DTNB: variants seen among roughly 807,000 people sequenced by gnomAD.
DTNB encodes DTN-B.
Under a neutral mutation model 90.7 loss-of-function variants are expected in DTNB, and 63 were observed. The observed-to-expected ratio is 0.69, with a 90% confidence interval of 0.57 to 0.86. The LOEUF is 0.86. Ranked by LOEUF, DTNB falls within the 40% of genes least tolerant of loss-of-function variation. The probability of loss-of-function intolerance (pLI) is 0.00; values close to 1 mark genes in which losing one functional copy is unlikely to be tolerated. For synonymous variants in DTNB, 277 were observed against 286.7 expected, an observed-to-expected ratio of 0.97 and a Z score of 0.34; for missense variants, 744 against 807.1, an observed-to-expected ratio of 0.92 and a Z score of 0.95.
At chr2:25,416,492 C>T (rs2047961766) in intron 16 of DTNB, among the ~76,000 whole-genome samples, 2 of 152,060 alleles carry the variant, frequency 1.3e-5, no homozygotes, top group Admixed American at 1.3e-4. Context: ...GACAACATGG[C>T]AAAACCCCAT....
At chr2:25,405,609 T>C (rs1451794306) in intron 16 of DTNB, among the ~76,000 whole-genome samples, 1 of 148,882 alleles carries the variant, frequency 6.7e-6, no homozygotes, top group Admixed American at 6.7e-5. Context: ...TTTGTTGTTG[T>C]TTTTTTTTTC....
At chr2:25,601,017 AG>A (rs2065769604) in intron 5 of DTNB, among the ~76,000 whole-genome samples, 1 of 152,158 alleles carries the variant, frequency 6.6e-6, no homozygotes, top group Non-Finnish European at 1.5e-5. Flanking sequence ...TTACTTCTTG[AG>A]TTATGGGTTT....
intron 9 of DTNB, among the ~76,000 whole-genome samples, chr2:25,513,931 G>T (rs1170888135): frequency 1.3e-5 from 2 of 150,858 alleles, no homozygotes. Flanking sequence ...CCAGACCCAC[G>T]CCAGATAGGG....
chr2:25,503,902 G>A (rs1208618796), intron 9 of DTNB, among the ~76,000 whole-genome samples: 1 of 151,040 alleles, frequency 6.6e-6, no homozygotes, highest in Admixed American at 6.6e-5. Flanking sequence ...GGGCGACACA[G>A]CAAGACTCTG....
intron 8 of DTNB, among the ~76,000 whole-genome samples, chr2:25,537,924 T>C (rs1441772406): frequency 1.3e-5 from 2 of 152,186 alleles, no homozygotes; most frequent in African/African-American, 2.4e-5. Context: ...TCTCTGTACT[T>C]TCTCCCAACT....
chr2:25,415,350 G>A lies in DTNB; in HGVS notation c.1575+4165C>T, dbSNP rs368439137. On this transcript the variant is annotated intron_variant, in intron 16 of 20. Transcript: ENST00000406818. The stretch of plus-strand genomic sequence containing the variant: ...CAACATCCACCTCCCAGGTTCAAGC[G>A]ATTCTCCTGCCTCAGCCTCCCGAGT... 5.3e-5 allele frequency among the ~76,000 whole-genome samples: 8 copies of A among 150,744 alleles called. No individual in the cohort carries two copies. The East Asian group carries it at 7.8e-4, about 15-fold the overall frequency.
chr2:25,482,752 T>C (rs773235367), intron 10 of DTNB, 44 bp downstream of exon 10: 3 of 1,597,614 alleles, frequency 1.9e-6, no homozygotes, highest in Non-Finnish European at 2.6e-6. Context: ...CGCAAATCAG[T>C]AGCAGAGGCC....
chr2:25,419,541 G>A lies in DTNB; in HGVS notation c.1555-6C>T. On this transcript the variant is annotated splice_region_variant and splice_polypyrimidine_tract_variant and intron_variant, in intron 15 of 20. Transcript: ENST00000406818. ...GCCTGCTTTTGCTCTTCCTCCTGGA[G>A]TGTTGAAGATGAAAAAAAAAGGCAG... is the stretch of plus-strand genomic sequence containing the variant. 6.4e-7 allele frequency: 1 copy of A among 1,555,652 alleles called. No individual in the cohort carries two copies. Among genetic ancestry groups the A allele is most frequent in the Non-Finnish European group, 8.7e-7 (1 of 1,149,292 alleles).
At chr2:25,401,488 C>T (rs1280137004) in intron 16 of DTNB, among the ~76,000 whole-genome samples, 1 of 152,224 alleles carries the variant, frequency 6.6e-6, no homozygotes, top group Non-Finnish European at 1.5e-5. Flanking sequence ...AGGAGACCAG[C>T]TGCACGGAGA....
At chr2:25,536,379 C>T (rs951666069) in intron 8 of DTNB, among the ~76,000 whole-genome samples, 2 of 152,166 alleles carry the variant, frequency 1.3e-5, no homozygotes, top group Admixed American at 1.3e-4. Context: ...TTGTAGCGAG[C>T]CGAGATCACG....
chr2:25,613,816 G>A (rs150708499), intron 4 of DTNB, among the ~76,000 whole-genome samples: 2,223 of 152,180 alleles, frequency 0.015, 23 homozygotes, highest in Non-Finnish European at 0.023. Flanking sequence ...AAATTAGCCG[G>A]GCGTGGTGGC....
intron 9 of DTNB, among the ~76,000 whole-genome samples, chr2:25,483,912 T>C (rs914758117): frequency 2.0e-5 from 3 of 152,262 alleles, no homozygotes; most frequent in Non-Finnish European, 4.4e-5. Context: ...GTATTTTTAC[T>C]GTACCTTTTC....
At chr2:25,579,410 G>T (rs1046687723) in intron 7 of DTNB, among the ~76,000 whole-genome samples, 2 of 152,172 alleles carry the variant, frequency 1.3e-5, no homozygotes, top group African/African-American at 4.8e-5. Flanking sequence ...AAACAGTATG[G>T]ATGTTTATTT....
Position 25,599,590 on chromosome 2 carries a change from C to T in DTNB, c.449-3350G>A, listed in dbSNP as rs187934101. 7.5e-3 allele frequency among the ~76,000 whole-genome samples: 1,136 copies of T among 152,084 alleles called. 6 individuals carry two copies. The highest frequency in any genetic ancestry group is 0.014 in the Middle Eastern group (4 of 294). On this transcript the variant is annotated intron_variant, in intron 5 of 20. Coordinates refer to ENST00000406818, the MANE Select transcript of DTNB (RefSeq NM_021907.5). ...TCTCCTGATCTCGTGATGCACGCCT[C>T]GGCTTCCCAAAGTGCTGGGATTACA...
intron 9 of DTNB, among the ~76,000 whole-genome samples, chr2:25,503,325 CA>C (rs988796765): frequency 7.4e-5 from 11 of 148,960 alleles, no homozygotes; most frequent in African/African-American, 2.7e-4. Context: ...TCTCTCCCTC[CA>C]AAAAAAAAAT....
At chr2:25,666,617 G>A (rs964086972) in intron 1 of DTNB, among the ~76,000 whole-genome samples, 3 of 152,232 alleles carry the variant, frequency 2.0e-5, no homozygotes, top group Admixed American at 6.5e-5. Context: ...CATCCTCTCT[G>A]CTCTAAATAC....
chr2:25,506,225 C>A (rs1001790278), intron 9 of DTNB, among the ~76,000 whole-genome samples: 2 of 152,080 alleles, frequency 1.3e-5, no homozygotes, highest in Non-Finnish European at 2.9e-5. Context: ...CAATGTTCAA[C>A]AGCAGAGCAG....
chr2:25,418,524 C>A lies in DTNB; in HGVS notation c.1575+991G>T, dbSNP rs182009089. On this transcript the variant is annotated intron_variant, in intron 16 of 20. Transcript: ENST00000406818. ...GACCAGCCTGGCCAATATGGTGAAA[C>A]CCTGTCTCTACTAAAAATACAAAAA... is the stretch of plus-strand genomic sequence containing the variant. 6.9e-3 allele frequency among the ~76,000 whole-genome samples: 1,052 copies of A among 152,048 alleles called. 4 individuals carry two copies. The highest frequency in any genetic ancestry group is 0.012 in the Non-Finnish European group (783 of 67,970).
At chr2:25,551,898 C>G (rs937344836) in intron 8 of DTNB, among the ~76,000 whole-genome samples, 3 of 152,190 alleles carry the variant, frequency 2.0e-5, no homozygotes, top group Non-Finnish European at 4.4e-5. Flanking sequence ...CTAAGGAATA[C>G]TTCTCTGTTC....
Sources: allele counts gnomAD v4.1 joint callset (sites outside exome capture counted in the v4.1 genomes callset), GRCh38; gene constraint gnomAD v4.1.1; transcripts MANE v1.5; gene names NCBI Gene and HGNC (gene_info 2026-07-23, HGNC 2026-07-21).